The following SLC12A8 variants were observed in gnomAD, a reference collection of about 807,000 sequenced individuals.
SLC12A8 encodes solute carrier family 12 member 8.
In SLC12A8, 69 loss-of-function variants were observed where a neutral mutation model predicts 75.6. The ratio of observed to expected loss-of-function variants is 0.91; its 90% CI spans 0.75 to 1.11. SLC12A8 has a LOEUF of 1.11. Ranked by LOEUF, SLC12A8 falls within the 50% of genes most tolerant of loss-of-function variation. The pLI is 0.00. For synonymous variants in SLC12A8, 365 were observed against 372.8 expected, an observed-to-expected ratio of 0.98 and a Z score of 0.24; for missense variants, 877 against 896.7, an observed-to-expected ratio of 0.98 and a Z score of 0.28.
intron 2 of SLC12A8, among the ~76,000 whole-genome samples, chr3:125,198,347 C>T (rs1935045894): frequency 6.6e-6 from 1 of 151,184 alleles, no homozygotes. Context: ...GAGATTGTCA[C>T]AACTGGCCAG....
chr3:125,143,467 C>T (rs1337470898), intron 5 of SLC12A8, among the ~76,000 whole-genome samples: 1 of 152,254 alleles, frequency 6.6e-6, no homozygotes, highest in African/African-American at 2.4e-5. Flanking sequence ...TCCTCTCTGG[C>T]TTCAGCCCTA....
intron 3 of SLC12A8, among the ~76,000 whole-genome samples, chr3:125,187,706 C>T (rs1382173663): frequency 6.6e-6 from 1 of 152,020 alleles, no homozygotes; most frequent in Admixed American, 6.6e-5. Context: ...TCACGAGGTG[C>T]CTCCTAATCT....
chr3:125,164,483 G>A (rs1444111210), intron 5 of SLC12A8, among the ~76,000 whole-genome samples: 1 of 152,210 alleles, frequency 6.6e-6, no homozygotes, highest in Non-Finnish European at 1.5e-5. Flanking sequence ...AACTAAGCAG[G>A]TGTTTGCTGT....
chr3:125,140,268 A>G (rs1933596914), intron 5 of SLC12A8, among the ~76,000 whole-genome samples: 1 of 152,134 alleles, frequency 6.6e-6, no homozygotes, highest in Admixed American at 6.5e-5. Flanking sequence ...AGACCTTACA[A>G]TGTCATACTT....
At chr3:125,116,093 C>T (rs1939306199) in intron 8 of SLC12A8, among the ~76,000 whole-genome samples, 1 of 152,188 alleles carries the variant, frequency 6.6e-6, no homozygotes, top group African/African-American at 2.4e-5. Flanking sequence ...CGGAGTCAGT[C>T]CCAAGGAGCG....
At chr3:125,087,385 GC>G (rs1938487107) in intron 13 of SLC12A8, among the ~76,000 whole-genome samples, 8 of 152,040 alleles carry the variant, frequency 5.3e-5, no homozygotes. Context: ...AAGCCACCAC[GC>G]CCAGCCCTAT....
In SLC12A8 at chr3:125,107,918, C is replaced by A; in HGVS notation, c.1268G>T (p.Gly423Val). ...TPVPEPVLRE[G>V]AEGLHCSEHL... ...CTCAGAGCAGTGGAGGCCTTCTGCG[C>A]CCTCCCTGAGCACCGGCTCAGGCAC... The change falls in exon 10 of 14, where the codon GGC (glycine) becomes GTC (valine). Residue 423 changes from glycine (G) to valine (V), a missense_variant. By Grantham distance (109) the Gly-to-Val change is moderately radical. Coordinates refer to ENST00000469902, the MANE Select transcript of SLC12A8 (RefSeq NM_024628.6). 4 of 1,614,176 alleles carry A rather than the reference C, an allele frequency of 2.5e-6. No individual in the cohort carries two copies. Among genetic ancestry groups the A allele is most frequent in the Non-Finnish European group, 2.5e-6 (3 of 1,180,038 alleles).
chr3:125,090,255 T>G (rs192573091), intron 12 of SLC12A8, among the ~76,000 whole-genome samples: 11 of 152,306 alleles, frequency 7.2e-5, no homozygotes, highest in Non-Finnish European at 1.6e-4. Flanking sequence ...TTTCTAATTA[T>G]TCCCCCTCTG....
In SLC12A8 at chr3:125,107,846, G is replaced by A. The variant is rs770353081; in HGVS notation, c.1340C>T (p.Ala447Val). The A allele has an allele frequency of 6.2e-7, 1 of 1,614,152 alleles. No homozygotes were observed. Among genetic ancestry groups the A allele is most frequent in the Non-Finnish European group, 8.5e-7 (1 of 1,180,040 alleles). ...TAGCGTGCCCTCCAAGACTCTTTGG[G>A]CAGGTCCCTCAGAGCCGTAACTGGG... ...KAPSYGSEGP[A>V]QRVLEGTLLE... Residue 447 changes from alanine to valine, a missense_variant, in exon 10 of 14, where the codon GCC becomes GTC. Transcript: ENST00000469902.
chr3:125,115,901 A>C (rs1939299606), intron 8 of SLC12A8, among the ~76,000 whole-genome samples: 1 of 152,180 alleles, frequency 6.6e-6, no homozygotes, highest in East Asian at 1.9e-4. Flanking sequence ...GCCACAAGTA[A>C]GACAGGAAGC....
At chr3:125,205,230 T>C (rs1318501679) in intron 2 of SLC12A8, among the ~76,000 whole-genome samples, 3 of 152,204 alleles carry the variant, frequency 2.0e-5, no homozygotes, top group Non-Finnish European at 4.4e-5. Flanking sequence ...TGAGCATCCC[T>C]GGTGCTTCCC....
chr3:125,153,500 T>C (rs1297934800), intron 5 of SLC12A8, among the ~76,000 whole-genome samples: 1 of 152,224 alleles, frequency 6.6e-6, no homozygotes, highest in East Asian at 1.9e-4. Flanking sequence ...GTTCTTGTGC[T>C]TCTTCATTTA....
Position 125,211,192 on chromosome 3 carries a change from T to C in SLC12A8, c.51+107A>G, listed in dbSNP as rs1935330538. ...TGGATGACCAAAATAGACTTTGGAGTTAATTACATCTAAAGGGTGCGCTGT... is the reference window on the plus strand; with the variant it reads ...TGGATGACCAAAATAGACTTTGGAGCTAATTACATCTAAAGGGTGCGCTGT... On this transcript the variant is annotated intron_variant, in intron 2 of 13. Coordinates refer to ENST00000469902, the MANE Select transcript of SLC12A8 (RefSeq NM_024628.6). 11 of 898,770 alleles carry C rather than the reference T, an allele frequency of 1.2e-5. No homozygotes were observed. In the South Asian group the frequency reaches 1.4e-4, roughly 12 times the overall value. 55.7% of individuals were successfully genotyped at this position (898,770 alleles called of 1,614,324 possible). A position where few individuals can be genotyped will look rare whatever the true frequency, so the allele number is the denominator to read the frequency against.
intron 8 of SLC12A8, among the ~76,000 whole-genome samples, chr3:125,118,361 C>T (rs372882931): frequency 5.3e-5 from 8 of 152,290 alleles, no homozygotes; most frequent in South Asian, 2.1e-4. Flanking sequence ...TGGTGGCTCA[C>T]GCCTGTAATC....
Position 125,110,176 on chromosome 3 carries a change from G to T in SLC12A8, c.1059+13C>A. The T allele has an allele frequency of 6.2e-7, 1 of 1,601,478 alleles. No homozygotes were observed. Among genetic ancestry groups the T allele is most frequent in the South Asian group, 1.1e-5 (1 of 90,006 alleles). ...TGTTTCAAAAAACAAACCAAAAAAA[G>T]AGGATTACTCACCCCTTGTCCCAGA... On this transcript the variant is annotated intron_variant, in intron 9 of 13. Coordinates refer to ENST00000469902, the MANE Select transcript of SLC12A8 (RefSeq NM_024628.6).
intron 2 of SLC12A8, among the ~76,000 whole-genome samples, chr3:125,198,922 C>T (rs532556339): frequency 3.8e-4 from 56 of 147,170 alleles, no homozygotes; most frequent in Middle Eastern, 3.5e-3. Context: ...AGACTACAGG[C>T]ACCCGCCACC....
At chr3:125,109,121 A>G (rs1235303283) in intron 9 of SLC12A8, among the ~76,000 whole-genome samples, 1 of 152,022 alleles carries the variant, frequency 6.6e-6, no homozygotes, top group Admixed American at 6.6e-5. Flanking sequence ...ACTTCTCCTG[A>G]TTGGCCTCCC....
Position 125,110,376 on chromosome 3 carries a change from C to T in SLC12A8, c.913-41G>A, listed in dbSNP as rs72963853. ...TTTCATTCGCCAGTGCCAGAACCTGCTCCTGTGCCTTTCTACCCCCCCAGC... is the reference window on the plus strand; with the variant it reads ...TTTCATTCGCCAGTGCCAGAACCTGTTCCTGTGCCTTTCTACCCCCCCAGC... On this transcript the variant is annotated intron_variant, in intron 8 of 13. Transcript: ENST00000469902. 9.5e-3 allele frequency: 15,087 copies of T among 1,594,690 alleles called. 1,114 individuals are homozygous for T. In the African/African-American group the frequency reaches 0.17, roughly 18 times the overall value.
In SLC12A8 at chr3:125,107,536, T is replaced by A. The variant is rs373105265; in HGVS notation, c.1650A>T (p.Thr550=). Residue 550 remains threonine, a synonymous_variant, in exon 10 of 14, where the codon ACA becomes ACT. Coordinates refer to ENST00000469902, the MANE Select transcript of SLC12A8 (RefSeq NM_024628.6). ...SKSEGTQPEG[T]YGEQLVPELC... ...GCTCAGGAACAAGTTGCTCTCCATA[T>A]GTTCCCTCAGGCTGAGTCCCTTCGC... The A allele has an allele frequency of 4.2e-5, 67 of 1,614,040 alleles. No homozygotes were observed. Among genetic ancestry groups the A allele is most frequent in the African/African-American group, 5.3e-5 (4 of 74,922 alleles).
Sources: gnomAD v4.1 joint callset for allele counts (sites outside exome capture counted in the v4.1 genomes callset) on GRCh38, gnomAD v4.1.1 for gene constraint, MANE v1.5 for transcripts, NCBI Gene and HGNC (gene_info 2026-07-23, HGNC 2026-07-21) for gene names.